The following VSNL1 variants were observed in gnomAD, a reference collection of about 807,000 sequenced individuals.
VSNL1 encodes visinin like 1.
VSNL1 carries 6 observed loss-of-function variants against 20.4 expected under a neutral mutation model. The ratio of observed to expected loss-of-function variants is 0.29; its 90% confidence interval spans 0.16 to 0.58. The LOEUF is 0.58. Ranked by LOEUF, VSNL1 falls within the 20% of genes least tolerant of loss-of-function variation. The pLI is 0.90. For synonymous variants in VSNL1, 93 were observed against 86.4 expected (o/e 1.08, Z -0.42); for missense variants, 100 against 234.5 (o/e 0.43, Z 3.75).
chr2:17,631,771 C>T (rs1011612752), intron 2 of VSNL1, among the ~76,000 whole-genome samples: 1 of 152,176 alleles, frequency 6.6e-6, no homozygotes, highest in Non-Finnish European at 1.5e-5. Flanking sequence ...GACGTAGCAC[C>T]AAATGAATAA....
chr2:17,550,792 G>A (rs533641309), intron 1 of VSNL1, among the ~76,000 whole-genome samples: 1 of 152,304 alleles, frequency 6.6e-6, no homozygotes, highest in Admixed American at 6.5e-5. Context: ...CACTTTGCAA[G>A]AGCTGTTCTG....
chr2:17,640,050 G>A (rs553959686), intron 2 of VSNL1, among the ~76,000 whole-genome samples: 1 of 152,252 alleles, frequency 6.6e-6, no homozygotes, highest in African/African-American at 2.4e-5. Flanking sequence ...AGGAGTTTGA[G>A]ACCAGCCTGG....
rs376583447 is a variant in VSNL1, at chr2:17,595,539, A to G, written c.162+3303A>G. On this transcript the variant is annotated intron_variant, in intron 2 of 3. Transcript: ENST00000295156. ...TTAGAAAACAAAATTGTCCCCTAGC[A>G]GATAGCTCTTTCCCTTTTCAAGCTT... Among the ~76,000 whole-genome samples the G allele has an allele frequency of 3.8e-4, 58 of 152,344 alleles. No homozygotes were observed. The South Asian group carries it at 9.5e-3, about 25-fold the overall frequency.
At chr2:17,607,785 T>C (rs1664980791) in intron 2 of VSNL1, among the ~76,000 whole-genome samples, 2 of 152,262 alleles carry the variant, frequency 1.3e-5, no homozygotes, top group Non-Finnish European at 2.9e-5. Flanking sequence ...GTTTCATAGC[T>C]TAACTGAAAC....
At chr2:17,614,796 A>T (rs897357999) in intron 2 of VSNL1, among the ~76,000 whole-genome samples, 1 of 152,236 alleles carries the variant, frequency 6.6e-6, no homozygotes, top group Non-Finnish European at 1.5e-5. Flanking sequence ...TCATGGATGA[A>T]ATAGAGAGAC....
chr2:17,596,714 C>G (rs146757868), intron 2 of VSNL1, among the ~76,000 whole-genome samples: 13 of 152,224 alleles, frequency 8.5e-5, no homozygotes, highest in African/African-American at 3.1e-4. Context: ...GGTTTAGGTT[C>G]AGTTGAAAAG....
At chr2:17,615,602 CAGG>C (rs1276600716) in intron 2 of VSNL1, among the ~76,000 whole-genome samples, 2 of 152,186 alleles carry the variant, frequency 1.3e-5, no homozygotes, top group African/African-American at 4.8e-5. Context: ...TTTAAATAGA[CAGG>C]AGTTTATTTT....
At chr2:17,552,117 G>A (rs1663554670) in intron 1 of VSNL1, among the ~76,000 whole-genome samples, 1 of 149,528 alleles carries the variant, frequency 6.7e-6, no homozygotes, top group African/African-American at 2.4e-5. Flanking sequence ...GGAGAATGGC[G>A]TGAACCCGGG....
chr2:17,628,700 A>T (rs1245514601), intron 2 of VSNL1, among the ~76,000 whole-genome samples: 1 of 152,180 alleles, frequency 6.6e-6, no homozygotes, highest in African/African-American at 2.4e-5. Flanking sequence ...CTGAGATATA[A>T]GGGAGGTCTT....
At chr2:17,633,413 G>A (rs1665682463) in intron 2 of VSNL1, among the ~76,000 whole-genome samples, 1 of 151,052 alleles carries the variant, frequency 6.6e-6, no homozygotes. Context: ...TAGCTACTCT[G>A]GAGGCTGAGG....
chr2:17,565,597 T>C (rs1663917658), intron 1 of VSNL1, among the ~76,000 whole-genome samples: 1 of 152,214 alleles, frequency 6.6e-6, no homozygotes, highest in Non-Finnish European at 1.5e-5. Context: ...TATGCTATTA[T>C]CAATTTACAT....
At chr2:17,570,764 A>AG (rs1175542524) in intron 1 of VSNL1, among the ~76,000 whole-genome samples, 6 of 152,158 alleles carry the variant, frequency 3.9e-5, no homozygotes, top group Non-Finnish European at 7.4e-5. Context: ...TGGCAAGATT[A>AG]GGCTAGGTGC....
chr2:17,621,243 CTTT>C (rs1168531508), intron 2 of VSNL1, among the ~76,000 whole-genome samples: 3 of 151,300 alleles, frequency 2.0e-5, no homozygotes, highest in South Asian at 2.1e-4. Context: ...TTCTTTCCTT[CTTT>C]TTCTTTCTTT....
intron 2 of VSNL1, among the ~76,000 whole-genome samples, chr2:17,637,338 A>G (rs914349390): frequency 3.9e-5 from 6 of 152,228 alleles, no homozygotes; most frequent in African/African-American, 1.2e-4. Context: ...GGAGGGGTGG[A>G]GGAGGCAGCT....
chr2:17,573,147 G>A (rs186237922), intron 1 of VSNL1, among the ~76,000 whole-genome samples: 30 of 151,822 alleles, frequency 2.0e-4, no homozygotes, highest in African/African-American at 6.3e-4. Flanking sequence ...CGACAAGTGC[G>A]TACTATGCTG....
chr2:17,562,440 A>G (rs1663838176), intron 1 of VSNL1, among the ~76,000 whole-genome samples: 1 of 152,190 alleles, frequency 6.6e-6, no homozygotes, highest in African/African-American at 2.4e-5. Flanking sequence ...TAAGAAACAA[A>G]GCTAATATTA....
chr2:17,637,086 G>T (rs1397036271), intron 2 of VSNL1, among the ~76,000 whole-genome samples: 1 of 152,106 alleles, frequency 6.6e-6, no homozygotes, highest in Non-Finnish European at 1.5e-5. Flanking sequence ...CTGGCTGTCC[G>T]GTTCCTTCCG....
chr2:17,559,994 A>G (rs1452960764), intron 1 of VSNL1, among the ~76,000 whole-genome samples: 5 of 151,990 alleles, frequency 3.3e-5, no homozygotes, highest in African/African-American at 7.2e-5. Flanking sequence ...TATCAGATAA[A>G]TTACAAAAAA....
chr2:17,573,679 T>C (rs776897341), intron 1 of VSNL1, among the ~76,000 whole-genome samples: 13 of 152,240 alleles, frequency 8.5e-5, no homozygotes, highest in Non-Finnish European at 1.5e-4. Flanking sequence ...CATTGCCTTA[T>C]GCTTCTCTGC....
Sources: allele counts gnomAD v4.1 joint callset (sites outside exome capture counted in the v4.1 genomes callset), GRCh38; gene constraint gnomAD v4.1.1; transcripts MANE v1.5; gene names NCBI Gene and HGNC (gene_info 2026-07-23, HGNC 2026-07-21).